The following CDK8 variants were observed in gnomAD, a reference collection of about 807,000 sequenced individuals.
CDK8 encodes the protein cyclin dependent kinase 8.
In CDK8, 29 loss-of-function variants were observed where a neutral mutation model predicts 71.5. The ratio of observed to expected loss-of-function variants is 0.41; its 90% confidence interval spans 0.30 to 0.55. The LOEUF (loss-of-function observed/expected upper bound fraction) is 0.55. CDK8 is among the 20% of genes least tolerant of loss of function. The pLI, the probability that CDK8 is intolerant of heterozygous loss-of-function variation, is 0.37. For missense variants in CDK8, 288 were observed against 572.6 expected (o/e 0.50, Z 5.07); for synonymous variants, 161 against 192.1 (o/e 0.84, Z 1.34).
intron 1 of CDK8, among the ~76,000 whole-genome samples, chr13:26,276,730 T>C (rs1045592692): frequency 2.0e-4 from 31 of 152,228 alleles, no homozygotes; most frequent in Admixed American, 2.0e-3. Flanking sequence ...TCTGCTGTAA[T>C]ATCATGTTTG....
At chr13:26,368,837 G>A (rs1413754767) in intron 4 of CDK8, among the ~76,000 whole-genome samples, 1 of 151,938 alleles carries the variant, frequency 6.6e-6, no homozygotes, top group Non-Finnish European at 1.5e-5. Context: ...TGATCATATG[G>A]TTATTTCCTT....
chr13:26,383,345 T>A (rs561859639), intron 5 of CDK8, among the ~76,000 whole-genome samples: 18 of 152,312 alleles, frequency 1.2e-4, no homozygotes, highest in African/African-American at 4.3e-4. Flanking sequence ...AACCTTAAGT[T>A]CTAACAAGAC....
chr13:26,290,657 A>ATT (rs2137900768), intron 1 of CDK8, among the ~76,000 whole-genome samples: 1 of 152,126 alleles, frequency 6.6e-6, no homozygotes, highest in Non-Finnish European at 1.5e-5. Flanking sequence ...CTTTTCACTG[A>ATT]TTAGTTGACG....
chr13:26,376,447 T>C (rs1333534055), intron 4 of CDK8, among the ~76,000 whole-genome samples: 3 of 152,168 alleles, frequency 2.0e-5, no homozygotes, highest in African/African-American at 7.2e-5. Context: ...ATTAATCAGA[T>C]TTGAAAAAAA....
chr13:26,340,248 C>A (rs138007775), intron 2 of CDK8, among the ~76,000 whole-genome samples: 1 of 151,864 alleles, frequency 6.6e-6, no homozygotes, highest in Non-Finnish European at 1.5e-5. Flanking sequence ...TGAGTTATTT[C>A]GAATTATATT....
chr13:26,369,755 A>C, intron 4 of CDK8, among the ~76,000 whole-genome samples: 2 of 121,658 alleles, frequency 1.6e-5, no homozygotes, highest in Admixed American at 1.0e-4. Flanking sequence ...AGGGTGTTTC[A>C]CCATGTTAGC....
chr13:26,266,657 T>C (rs1041114358), intron 1 of CDK8, among the ~76,000 whole-genome samples: 4 of 152,240 alleles, frequency 2.6e-5, no homozygotes, highest in South Asian at 2.1e-4. Flanking sequence ...GATTTTTGGA[T>C]ACCAAAGCTT....
chr13:26,337,291 TG>T (rs1339845654), intron 1 of CDK8, among the ~76,000 whole-genome samples: 1 of 152,224 alleles, frequency 6.6e-6, no homozygotes, highest in Non-Finnish European at 1.5e-5. Context: ...AATCTATTAC[TG>T]GAAGTCAGAA....
chr13:26,285,414 C>T lies in CDK8; in HGVS notation c.128+30645C>T, dbSNP rs138796307. Among the ~76,000 whole-genome samples the T allele has an allele frequency of 4.7e-4, 72 of 152,218 alleles. 1 individual carries two copies. The highest frequency in any genetic ancestry group is 3.7e-3 in the East Asian group (19 of 5,186). ...AGAATTAAAAACAAAAATCAAAGAT[C>T]GTATCAATAGTTGCAGAAAAAGCAT... On this transcript the variant is annotated intron_variant, in intron 1 of 12. Transcript: ENST00000381527.
At chr13:26,301,696 G>T (rs1873831885) in intron 1 of CDK8, among the ~76,000 whole-genome samples, 1 of 152,118 alleles carries the variant, frequency 6.6e-6, no homozygotes, top group Non-Finnish European at 1.5e-5. Flanking sequence ...AGGATAGGAT[G>T]GGACATTCCC....
At chr13:26,313,298 T>G (rs772672689) in intron 1 of CDK8, among the ~76,000 whole-genome samples, 8 of 152,122 alleles carry the variant, frequency 5.3e-5, no homozygotes, top group Non-Finnish European at 7.4e-5. Context: ...AGAGGCCTAC[T>G]ACATGTGATA....
At chr13:26,328,676 C>T (rs1188306634) in intron 1 of CDK8, among the ~76,000 whole-genome samples, 4 of 152,190 alleles carry the variant, frequency 2.6e-5, no homozygotes, top group Admixed American at 1.3e-4. Flanking sequence ...GTAAAATGTA[C>T]TGTTTGTCTC....
At chr13:26,391,541 G>A (rs1209489212) in intron 6 of CDK8, among the ~76,000 whole-genome samples, 1 of 152,176 alleles carries the variant, frequency 6.6e-6, no homozygotes, top group Non-Finnish European at 1.5e-5. Flanking sequence ...GCTGTAAGTA[G>A]AATTTTAAAC....
chr13:26,275,838 T>C (rs1872540972), intron 1 of CDK8, among the ~76,000 whole-genome samples: 2 of 152,196 alleles, frequency 1.3e-5, no homozygotes, highest in South Asian at 4.1e-4. Context: ...GTACTTCCAC[T>C]TGAGGAAACT....
In CDK8 at chr13:26,298,818, G is replaced by C. The variant is rs542878758; in HGVS notation, c.129-38749G>C. 5.9e-5 allele frequency among the ~76,000 whole-genome samples: 9 copies of C among 152,278 alleles called. No individual in the cohort carries two copies. The South Asian group carries it at 1.7e-3, about 28-fold the overall frequency. On this transcript the variant is annotated intron_variant, in intron 1 of 12. Coordinates refer to ENST00000381527, the MANE Select transcript of CDK8 (RefSeq NM_001260.3). ...CAATTTTAGTGACGCTTTTCCGGTA[G>C]TGTTAATAGACTTGACTGACCAATT...
intron 4 of CDK8, among the ~76,000 whole-genome samples, chr13:26,375,693 A>G (rs1374378276): frequency 1.3e-5 from 2 of 152,246 alleles, no homozygotes; most frequent in Non-Finnish European, 2.9e-5. Context: ...TGAGTAAACT[A>G]TGACATAAAA....
At chr13:26,393,238 A>G in intron 6 of CDK8, 129 bp from the exon 7 acceptor site, 2 of 595,520 alleles carry the variant, frequency 3.4e-6, no homozygotes, top group Non-Finnish European at 5.7e-6. Context: ...AGGGAAAGAA[A>G]GAAAAAAACA....
intron 1 of CDK8, among the ~76,000 whole-genome samples, chr13:26,269,548 G>T (rs1021227963): frequency 1.6e-3 from 228 of 143,302 alleles, no homozygotes; most frequent in African/African-American, 4.8e-3. Context: ...TCTTTAGATT[G>T]TTTTTTTTTT....
At chr13:26,294,994 C>T (rs1290358661) in intron 1 of CDK8, among the ~76,000 whole-genome samples, 1 of 152,056 alleles carries the variant, frequency 6.6e-6, no homozygotes, top group Non-Finnish European at 1.5e-5. Flanking sequence ...GTGATCTGCC[C>T]CTCGGCCTCC....
Sources: gnomAD v4.1 joint callset for allele counts (sites outside exome capture counted in the v4.1 genomes callset) on GRCh38, gnomAD v4.1.1 for gene constraint, MANE v1.5 for transcripts, NCBI Gene and HGNC (gene_info 2026-07-23, HGNC 2026-07-21) for gene names.